The following UBE3D variants were observed in gnomAD, a reference collection of about 807,000 sequenced individuals.
UBE3D encodes E3 ubiquitin-protein ligase E3D.
Under a neutral mutation model 49.6 loss-of-function variants are expected in UBE3D, and 48 were observed. The ratio of observed to expected loss-of-function variants is 0.97; its 90% CI spans 0.77 to 1.23. UBE3D has a LOEUF of 1.23. Among genes scored for constraint, UBE3D ranks in the 50% most tolerant of loss-of-function variants. The pLI is 0.00. For synonymous variants in UBE3D, 189 were observed against 174.2 expected (o/e 1.08, Z -0.67); for missense variants, 452 against 468.4 (o/e 0.96, Z 0.32).
At chr6:82,979,288 T>C (rs1300890095) in intron 8 of UBE3D, among the ~76,000 whole-genome samples, 4 of 152,188 alleles carry the variant, frequency 2.6e-5, no homozygotes, top group South Asian at 2.1e-4. Flanking sequence ...AGTGCTTCTC[T>C]GAACTTTGGG....
chr6:82,969,287 C>A (rs1395079177), intron 8 of UBE3D, among the ~76,000 whole-genome samples: 1 of 151,976 alleles, frequency 6.6e-6, no homozygotes, highest in African/African-American at 2.4e-5. Flanking sequence ...AAACCTTCCT[C>A]TTTTACAATA....
intron 8 of UBE3D, among the ~76,000 whole-genome samples, chr6:83,011,952 C>T (rs537939205): frequency 9.2e-5 from 14 of 152,206 alleles, no homozygotes; most frequent in African/African-American, 3.4e-4. Context: ...CATACACGGC[C>T]TTCTGGAGAA....
At chr6:83,042,314 G>A (rs915358123) in intron 4 of UBE3D, among the ~76,000 whole-genome samples, 2 of 152,184 alleles carry the variant, frequency 1.3e-5, no homozygotes, top group Non-Finnish European at 2.9e-5. Context: ...TTAAAAATAA[G>A]TAGATACTGC....
the UBE3D span, among the ~76,000 whole-genome samples, chr6:82,880,837 G>A: frequency 1.3e-5 from 2 of 152,278 alleles, no homozygotes; most frequent in South Asian, 2.1e-4. Flanking sequence ...CACAGTTCTG[G>A]AGCCTGGAAG....
Position 83,054,162 on chromosome 6 carries a change from G to C in UBE3D, c.351C>G (p.Val117=). The change falls in exon 3 of 10, where the codon GTC becomes GTG. Residue 117 remains valine (V), a synonymous_variant. Coordinates refer to ENST00000369747, the MANE Select transcript of UBE3D (RefSeq NM_198920.3). ...ATATTCCTTACCTGTCTTTTATTATGACTTCACCGCAGGATTGGCAATAAA... is the reference window on the plus strand; with the variant it reads ...ATATTCCTTACCTGTCTTTTATTATCACTTCACCGCAGGATTGGCAATAAA... ...CTFYCQSCGE[V]IIKDRKLLRV... is the part of the protein sequence containing the mutation. 1 of 1,613,654 alleles carries C rather than the reference G, an allele frequency of 6.2e-7. No homozygotes were observed.
chr6:83,060,927 G>A (rs1427039738), intron 1 of UBE3D, among the ~76,000 whole-genome samples: 2 of 152,186 alleles, frequency 1.3e-5, no homozygotes, highest in Middle Eastern at 3.2e-3. Context: ...ATGAAACTCT[G>A]ATGAGGAACA....
intron 9 of UBE3D, among the ~76,000 whole-genome samples, chr6:82,907,744 T>C (rs939275855): frequency 6.6e-6 from 1 of 152,004 alleles, no homozygotes; most frequent in Admixed American, 6.6e-5. Context: ...TTGCTGGGAG[T>C]GTAAAATGGC....
intron 4 of UBE3D, among the ~76,000 whole-genome samples, chr6:83,043,074 G>A (rs1377978138): frequency 2.6e-5 from 4 of 152,152 alleles, no homozygotes; most frequent in African/African-American, 7.2e-5. Context: ...AAAATATGAT[G>A]GGTCTTTCTT....
At chr6:82,934,883 C>T (rs1457144936) in intron 9 of UBE3D, among the ~76,000 whole-genome samples, 1 of 75,310 alleles carries the variant, frequency 1.3e-5, no homozygotes, top group Non-Finnish European at 3.1e-5. Context: ...TATTCTGATA[C>T]AGCTCTGAGA....
intron 8 of UBE3D, among the ~76,000 whole-genome samples, chr6:82,988,654 T>C (rs1177333249): frequency 1.3e-5 from 2 of 152,174 alleles, no homozygotes; most frequent in East Asian, 1.9e-4. Context: ...GCAGAAATAT[T>C]GTATACTGCA....
At chr6:83,003,665 C>T (rs1779782503) in intron 8 of UBE3D, among the ~76,000 whole-genome samples, 1 of 152,128 alleles carries the variant, frequency 6.6e-6, no homozygotes, top group Non-Finnish European at 1.5e-5. Flanking sequence ...CACATTACTG[C>T]ATTGAATACT....
chr6:82,948,120 T>A (rs913200175), intron 9 of UBE3D, among the ~76,000 whole-genome samples: 3 of 151,586 alleles, frequency 2.0e-5, no homozygotes, highest in Admixed American at 6.6e-5. Flanking sequence ...AATTGACAAA[T>A]CTTTAGCCAG....
intron 9 of UBE3D, among the ~76,000 whole-genome samples, chr6:82,924,509 A>T (rs1773602447): frequency 1.3e-5 from 2 of 152,154 alleles, no homozygotes; most frequent in South Asian, 2.1e-4. Context: ...CAAATTCAAA[A>T]CACTATTTTA....
At chr6:83,027,414 G>C (rs1448565116) in intron 5 of UBE3D, among the ~76,000 whole-genome samples, 1 of 92,412 alleles carries the variant, frequency 1.1e-5, no homozygotes, top group African/African-American at 4.0e-5. Flanking sequence ...CCAGCCTGGC[G>C]ACAGAGCGAG....
At chr6:82,945,263 C>T (rs554390282) in intron 9 of UBE3D, among the ~76,000 whole-genome samples, 2 of 152,084 alleles carry the variant, frequency 1.3e-5, no homozygotes, top group East Asian at 1.9e-4. Context: ...AGCACAGAGA[C>T]AGATAGACAG....
At chr6:82,886,093 A>G in the UBE3D span, among the ~76,000 whole-genome samples, 1 of 152,150 alleles carries the variant, frequency 6.6e-6, no homozygotes, top group Non-Finnish European at 1.5e-5. Flanking sequence ...ATACAAAGCA[A>G]TCTCTAATGA....
At chr6:83,043,329 A>T (rs557125099) in intron 4 of UBE3D, among the ~76,000 whole-genome samples, 30 of 152,040 alleles carry the variant, frequency 2.0e-4, no homozygotes, top group African/African-American at 7.0e-4. Context: ...GTATTAGTAT[A>T]TATTTAGATT....
At chr6:82,914,446 C>T (rs1772762623) in intron 9 of UBE3D, among the ~76,000 whole-genome samples, 1 of 152,114 alleles carries the variant, frequency 6.6e-6, no homozygotes, top group African/African-American at 2.4e-5. Flanking sequence ...CCAGTGGTTT[C>T]CAAGGTGCCA....
At chr6:82,887,079 G>A in the UBE3D span, among the ~76,000 whole-genome samples, 3 of 151,386 alleles carry the variant, frequency 2.0e-5, no homozygotes. Flanking sequence ...TAAGGCGGGT[G>A]GACCACTTGA....
Sources: allele counts gnomAD v4.1 joint callset (sites outside exome capture counted in the v4.1 genomes callset), GRCh38; gene constraint gnomAD v4.1.1; transcripts MANE v1.5; gene names NCBI Gene and HGNC (gene_info 2026-07-23, HGNC 2026-07-21).